SEC22C: variants seen among roughly 807,000 people sequenced by gnomAD.
The protein encoded by SEC22C is SEC22 homolog C, vesicle trafficking protein, also known as vesicle-trafficking protein SEC22c.
SEC22C carries 29 observed loss-of-function variants against 34.7 expected under a neutral mutation model. The ratio of observed to expected loss-of-function variants is 0.84; its 90% CI spans 0.62 to 1.14. The LOEUF (loss-of-function observed/expected upper bound fraction) is 1.14, where lower values mean the gene tolerates loss of function less well. SEC22C is among the 50% of genes most tolerant of loss of function. SEC22C has a pLI of 0.00. For synonymous variants in SEC22C, 117 were observed against 132.8 expected (o/e 0.88, Z 0.82); for missense variants, 337 against 369.0 (o/e 0.91, Z 0.71).
At position 42,592,879 on chromosome 3, in the gene SEC22C, G is replaced by A. The variant is rs957042832; in HGVS notation, c.-28+8081C>T. On this transcript the variant is annotated intron_variant, in intron 1 of 6. Transcript: ENST00000417572. ...GGTGAAGAACTCTACCCCCCCCACC[G>A]TAAACTTATGTTGATCATGAAAATG... 7.9e-5 allele frequency among the ~76,000 whole-genome samples: 12 copies of A among 152,054 alleles called. No individual in the cohort carries two copies. The East Asian group carries it at 9.6e-4, about 12-fold the overall frequency.
At position 42,576,826 on chromosome 3, in the gene SEC22C, A is replaced by C. The variant is rs191561025; in HGVS notation, c.-28+5020T>G. Among the ~76,000 whole-genome samples, 70 of 152,266 alleles carry C rather than the reference A, an allele frequency of 4.6e-4. No individual in the cohort carries two copies. The East Asian group carries it at 0.012, about 27-fold the overall frequency. ...GCAAAGAAACTAAAATAGCTAAAGC[A>C]ATTCTGAAAAAAGAATAAAATAGGA... On this transcript the variant is annotated intron_variant, in intron 1 of 6. Coordinates refer to ENST00000264454, the MANE Select transcript of SEC22C (RefSeq NM_032970.4).
chr3:42,550,419 C>T lies in SEC22C; in HGVS notation c.*2829G>A, dbSNP rs1314177891. 16 of 985,278 alleles carry T rather than the reference C, an allele frequency of 1.6e-5. No individual in the cohort carries two copies. Among genetic ancestry groups the T allele is most frequent in the Non-Finnish European group, 1.7e-5 (14 of 829,940 alleles). 61.0% of individuals were successfully genotyped at this position (985,278 alleles called of 1,614,324 possible). ...AAGGATCACACAAGAGGCTATAAAC[C>T]TCCAACCCTGAACCAAGTCAAACCT... is the stretch of plus-strand genomic sequence containing the variant. On this transcript the variant is annotated 3_prime_UTR_variant, in exon 7 of 7. Coordinates refer to ENST00000264454, the MANE Select transcript of SEC22C (RefSeq NM_032970.4).
intron 2 of SEC22C, among the ~76,000 whole-genome samples, chr3:42,567,988 C>T (rs1384180895): frequency 1.3e-5 from 2 of 152,120 alleles, no homozygotes; most frequent in Non-Finnish European, 2.9e-5. Context: ...AGAAGAATCA[C>T]TTGAACCCAG....
At chr3:42,568,564 T>G (rs1009438548) in intron 2 of SEC22C, among the ~76,000 whole-genome samples, 1 of 151,498 alleles carries the variant, frequency 6.6e-6, no homozygotes, top group East Asian at 1.9e-4. Context: ...GAGAACTGCT[T>G]GAACCCAGGA....
intron 1 of SEC22C, among the ~76,000 whole-genome samples, chr3:42,574,050 G>A (rs1007268000): frequency 6.6e-6 from 1 of 152,078 alleles, no homozygotes; most frequent in Non-Finnish European, 1.5e-5. Context: ...CCAGCACACA[G>A]ACAGAAGCCC....
intron 5 of SEC22C, among the ~76,000 whole-genome samples, chr3:42,557,357 C>T (rs560621961): frequency 1.3e-5 from 2 of 152,270 alleles, no homozygotes; most frequent in African/African-American, 4.8e-5. Flanking sequence ...CCATTTCTTA[C>T]CAATATCTTG....
At chr3:42,573,738 G>A (rs976304871) in intron 1 of SEC22C, among the ~76,000 whole-genome samples, 2 of 152,150 alleles carry the variant, frequency 1.3e-5, no homozygotes, top group African/African-American at 4.8e-5. Flanking sequence ...TAGAAATATG[G>A]GGGGGAGGAG....
At position 42,548,811 on chromosome 3, in the gene SEC22C, G is replaced by C. The variant is rs200013248; in HGVS notation, c.*4437C>G. 6.9e-7 allele frequency: 1 copy of C among 1,458,650 alleles called. No homozygotes were observed. The highest frequency in any genetic ancestry group is 2.5e-5 in the East Asian group (1 of 40,446). The allele number at this position is 1,458,650 out of a possible 1,614,324, so 90.4% of individuals were successfully genotyped here. On this transcript the variant is annotated 3_prime_UTR_variant, in exon 7 of 7. Transcript: ENST00000264454. ...ACAAAATGCCTTTTTGTAAAGGCCA[G>C]AAGAAATGGCTGTGCTGTGCTGCCT...
At chr3:42,573,342 C>G (rs1308194790) in intron 1 of SEC22C, 1 of 151,976 alleles carries the variant, frequency 6.6e-6, no homozygotes, top group East Asian at 1.9e-4. Context: ...CTGGCCAACA[C>G]AGTAAAACCT....
rs1446211684 is a variant in SEC22C, at chr3:42,561,287, A to G, written c.356T>C (p.Ile119Thr). Residue 119 changes from isoleucine to threonine, a missense_variant, in exon 4 of 7, where the codon ATT (isoleucine) becomes ACT (threonine). By Grantham distance (89) the Ile-to-Thr change is moderately conservative (BLOSUM62 -1). Coordinates refer to ENST00000264454, the MANE Select transcript of SEC22C (RefSeq NM_032970.4). ...GTTAAAATGCCACTTCACTTTCTGA[A>G]TGATGCTGTCTGCAAAAAGAGAGCA... is the stretch of plus-strand genomic sequence containing the variant. ...PYAFLEFDSI[I>T]QKVKWHFNYV... is the part of the protein sequence containing the mutation. The G allele has an allele frequency of 6.2e-7, 1 of 1,614,052 alleles. No homozygotes were observed. Among genetic ancestry groups the G allele is most frequent in the Non-Finnish European group, 8.5e-7 (1 of 1,179,988 alleles).
exon 1 of SEC22C, chr3:42,601,077 C>G: frequency 6.4e-7 from 1 of 1,554,366 alleles, no homozygotes; most frequent in Non-Finnish European, 8.7e-7. Context: ...GAGCTGGAAA[C>G]TGGGGAGCGC....
chr3:42,586,480 C>T, upstream of SEC22C, among the ~76,000 whole-genome samples: 1 of 152,048 alleles, frequency 6.6e-6, no homozygotes, highest in East Asian at 1.9e-4. Flanking sequence ...ACCTCGGCCT[C>T]CCAAAGTGCT....
chr3:42,557,557 T>TA (rs1553643864), intron 5 of SEC22C, 21 bp downstream of exon 5: 43,999 of 982,856 alleles, frequency 0.045, 122 homozygotes, highest in Admixed American at 0.15. Flanking sequence ...TAAACTGTTT[T>TA]AAAAAAAAAA....
upstream of SEC22C, among the ~76,000 whole-genome samples, chr3:42,586,342 C>T (rs544973123): frequency 1.3e-5 from 2 of 152,302 alleles, no homozygotes; most frequent in East Asian, 3.9e-4. Context: ...CCAGCCTCAG[C>T]CTCCCAAGTA....
chr3:42,555,277 G>T (rs1010168908), intron 6 of SEC22C, among the ~76,000 whole-genome samples: 1 of 151,596 alleles, frequency 6.6e-6, no homozygotes, highest in East Asian at 1.9e-4. Context: ...AACCCGGGAG[G>T]CAGAGCTTGC....
intron 1 of SEC22C, among the ~76,000 whole-genome samples, chr3:42,589,272 AAAAAAAG>A (rs765687110): frequency 2.0e-5 from 3 of 152,124 alleles, no homozygotes; most frequent in Non-Finnish European, 2.9e-5. Context: ...CTGTCTCAAA[AAAAAAAG>A]AAAAAAGAAA....
chr3:42,560,130 A>C (rs1376245983), intron 4 of SEC22C, among the ~76,000 whole-genome samples: 8 of 145,458 alleles, frequency 5.5e-5, no homozygotes, highest in African/African-American at 2.0e-4. Flanking sequence ...CTATATATAT[A>C]TATATATAAA....
At chr3:42,562,406 G>A (rs1702978430) in intron 3 of SEC22C, among the ~76,000 whole-genome samples, 1 of 152,204 alleles carries the variant, frequency 6.6e-6, no homozygotes, top group Non-Finnish European at 1.5e-5. Context: ...GTGTGGCCCA[G>A]AGCACAAGCT....
chr3:42,552,361 A>ACAG lies in SEC22C; in HGVS notation c.*884_*886dup. On this transcript the variant is annotated 3_prime_UTR_variant, in exon 7 of 7. Coordinates refer to ENST00000264454, the MANE Select transcript of SEC22C (RefSeq NM_032970.4). ...CTCAGCTCTACTGAAAAGGCTGATGACAGCAGCCCCTCCCAAGCGGATCTG... is the reference window on the plus strand; with the variant it reads ...CTCAGCTCTACTGAAAAGGCTGATGACAGCAGCAGCCCCTCCCAAGCGGATCTG... 1.0e-6 allele frequency: 1 copy of ACAG among 985,182 alleles called. No individual in the cohort carries two copies. The highest frequency in any genetic ancestry group is 1.2e-6 in the Non-Finnish European group (1 of 829,680). The allele number at this position is 985,182 out of a possible 1,614,324, so 61.0% of individuals were successfully genotyped here. A position where few individuals can be genotyped will look rare whatever the true frequency, so the allele number is the denominator to read the frequency against.
Sources: gnomAD v4.1 joint callset for allele counts (sites outside exome capture counted in the v4.1 genomes callset) on GRCh38, gnomAD v4.1.1 for gene constraint, MANE v1.5 for transcripts, NCBI Gene and HGNC (gene_info 2026-07-23, HGNC 2026-07-21) for gene names.